Variants in NLGN4Y observed in about 807,000 individuals in gnomAD.
NLGN4Y encodes neuroligin 4 Y-linked, also known as neuroligin-4, Y-linked.
Under a neutral mutation model 8.4 loss-of-function variants are expected in NLGN4Y, and 4 were observed. The ratio of observed to expected loss-of-function variants is 0.48; its 90% CI spans 0.23 to 1.09. The LOEUF (loss-of-function observed/expected upper bound fraction) is 1.09, where lower values mean the gene tolerates loss of function less well. Among genes scored for constraint, NLGN4Y ranks in the 50% least tolerant of loss-of-function variants. The probability of loss-of-function intolerance (pLI) is 0.19; values close to 1 mark genes in which losing one functional copy is unlikely to be tolerated. For missense variants in NLGN4Y, 90 were observed against 192.3 expected, an observed-to-expected ratio of 0.47 and a Z score of 3.15; for synonymous variants, 35 against 75.6, an observed-to-expected ratio of 0.46 and a Z score of 2.78.
chrY:14,591,460 C>A (rs2080371434), intron 1 of NLGN4Y, among the ~76,000 whole-genome samples: 1 of 32,890 alleles, frequency 3.0e-5, no homozygotes, highest in Non-Finnish European at 7.4e-5. Context: ...GATGAGAAGG[C>A]ATTCACTAGT....
At chrY:14,615,394 A>G (rs746662606) in intron 1 of NLGN4Y, among the ~76,000 whole-genome samples, 1 of 33,003 alleles carries the variant, frequency 3.0e-5, no homozygotes, top group Non-Finnish European at 7.5e-5. Flanking sequence ...TCATTTCCTA[A>G]TTGAATATCC....
At chrY:14,550,620 C>A (rs2080189474) in intron 1 of NLGN4Y, among the ~76,000 whole-genome samples, 2 of 33,771 alleles carry the variant, frequency 5.9e-5, no homozygotes, top group African/African-American at 2.3e-4. Context: ...GATTTTATTT[C>A]TCCTTTGCAT....
chrY:14,531,110 T>G, intron 1 of NLGN4Y, among the ~76,000 whole-genome samples: 1 of 19,809 alleles, frequency 5.0e-5, no homozygotes, highest in Non-Finnish European at 1.2e-4. Context: ...TAAGCAGACT[T>G]ATGTTTCTGA....
At chrY:14,753,907 G>A (rs2081049908) in intron 4 of NLGN4Y, among the ~76,000 whole-genome samples, 3 of 32,706 alleles carry the variant, frequency 9.2e-5, no homozygotes, top group Admixed American at 5.7e-4. Flanking sequence ...CACCGTCTCC[G>A]CATAGTTTTC....
chrY:14,571,282 C>T (rs1603499988), intron 1 of NLGN4Y, among the ~76,000 whole-genome samples: 1 of 33,382 alleles, frequency 3.0e-5, no homozygotes, highest in African/African-American at 1.2e-4. Flanking sequence ...TTTTAATATT[C>T]GCCATTCTAA....
chrY:14,536,026 T>A (rs1313812001), intron 1 of NLGN4Y, among the ~76,000 whole-genome samples: 6 of 33,013 alleles, frequency 1.8e-4, no homozygotes, highest in Non-Finnish European at 3.7e-4. Context: ...GTTATGTGTC[T>A]AGATATTTCA....
chrY:14,702,190 T>C (rs779275821), intron 2 of NLGN4Y, among the ~76,000 whole-genome samples: 2 of 32,301 alleles, frequency 6.2e-5, no homozygotes, highest in Admixed American at 2.9e-4. Context: ...ACTTTAAGTT[T>C]TAGGGTACAT....
chrY:14,700,010 A>C, intron 2 of NLGN4Y, among the ~76,000 whole-genome samples: 1 of 33,648 alleles, frequency 3.0e-5, no homozygotes, highest in South Asian at 6.3e-4. Flanking sequence ...ACATAAATGG[A>C]TATTAAAATG....
chrY:14,523,472 CAT>C (rs755732228), upstream of NLGN4Y: 2 of 113,269 alleles, frequency 1.8e-5, no homozygotes, highest in African/African-American at 1.0e-4. Context: ...TACACACACA[CAT>C]ATATATATGT....
chrY:14,767,879 T>C (rs2081096715), intron 4 of NLGN4Y, among the ~76,000 whole-genome samples: 1 of 33,945 alleles, frequency 2.9e-5, no homozygotes, highest in Non-Finnish European at 7.3e-5. Context: ...TGCCCATGGC[T>C]TGAAGTCTCT....
chrY:14,666,283 G>T, intron 2 of NLGN4Y, among the ~76,000 whole-genome samples: 2 of 32,387 alleles, frequency 6.2e-5, no homozygotes, highest in African/African-American at 2.4e-4. Context: ...AACTTATGTT[G>T]CCCAGACTGG....
Position 14,638,541 on chromosome Y carries a change from G to A in NLGN4Y, c.472+15950G>A. 2.1e-4 allele frequency among the ~76,000 whole-genome samples: 7 copies of A among 33,612 alleles called. No homozygotes were observed. In the South Asian group the frequency reaches 2.6e-3, roughly 13 times the overall value. 90.2% of individuals were successfully genotyped at this position (33,612 alleles called of 37,273 possible). ...AGGTTGGAAAATAACCGAGTTCATC[G>A]TTAGGGAAAGCTTATTCTAAAACTT... On this transcript the variant is annotated intron_variant, in intron 2 of 6. Coordinates refer to ENST00000684976, the MANE Select transcript of NLGN4Y (RefSeq NM_001365588.1).
intron 3 of NLGN4Y, 82 bp from the exon 4 acceptor site, chrY:14,723,035 A>G: frequency 7.0e-6 from 2 of 285,234 alleles, no homozygotes; most frequent in Admixed American, 8.4e-5. Context: ...AAATCAGGGA[A>G]TCTCCTTTGT....
At chrY:14,737,617 A>T in intron 4 of NLGN4Y, among the ~76,000 whole-genome samples, 1 of 33,273 alleles carries the variant, frequency 3.0e-5, no homozygotes, top group African/African-American at 1.2e-4. Context: ...CAAAGAAAAA[A>T]TAAATATTTG....
At chrY:14,589,371 G>A in intron 1 of NLGN4Y, among the ~76,000 whole-genome samples, 1 of 32,858 alleles carries the variant, frequency 3.0e-5, no homozygotes, top group Non-Finnish European at 7.4e-5. Context: ...GCTGATTGGT[G>A]TATTTACAAT....
chrY:14,567,323 G>T, intron 1 of NLGN4Y, among the ~76,000 whole-genome samples: 1 of 27,284 alleles, frequency 3.7e-5, no homozygotes, highest in Non-Finnish European at 8.4e-5. Context: ...ACTGCCTCCG[G>T]GTTCAAGCAA....
At chrY:14,756,456 T>G in intron 4 of NLGN4Y, among the ~76,000 whole-genome samples, 4 of 32,182 alleles carry the variant, frequency 1.2e-4, no homozygotes, top group African/African-American at 4.9e-4. Flanking sequence ...TACTTAAAAA[T>G]AATATATTTG....
intron 2 of NLGN4Y, among the ~76,000 whole-genome samples, chrY:14,659,042 T>C: frequency 3.0e-5 from 1 of 33,464 alleles, no homozygotes; most frequent in South Asian, 6.8e-4. Flanking sequence ...CTTATCACAA[T>C]GTATATTGGA....
At chrY:14,681,788 C>A (rs1057463254) in intron 2 of NLGN4Y, among the ~76,000 whole-genome samples, 3 of 32,499 alleles carry the variant, frequency 9.2e-5, no homozygotes, top group Admixed American at 8.5e-4. Flanking sequence ...CCCATTTCAA[C>A]CAACCTGGCA....
Sources: gnomAD v4.1 joint callset for allele counts (sites outside exome capture counted in the v4.1 genomes callset) on GRCh38, gnomAD v4.1.1 for gene constraint, MANE v1.5 for transcripts, NCBI Gene and HGNC (gene_info 2026-07-23, HGNC 2026-07-21) for gene names.